SNX13: variants seen among roughly 807,000 people sequenced by gnomAD.
SNX13 encodes sorting nexin 13, also known as sorting nexin-13.
A neutral mutation model predicts 133.6 loss-of-function variants in SNX13; 45 were observed. The ratio of observed to expected loss-of-function variants is 0.34; its 90% CI spans 0.27 to 0.43. The LOEUF is 0.43. Among genes scored for constraint, SNX13 ranks in the 20% least tolerant of loss-of-function variants. SNX13 has a pLI of 1.00. For missense variants in SNX13, 1,032 were observed against 1,145.1 expected (o/e 0.90, Z 1.43); for synonymous variants, 414 against 373.9 (o/e 1.11, Z -1.24).
intron 1 of SNX13, among the ~76,000 whole-genome samples, chr7:17,920,296 C>A (rs1237379566): frequency 6.6e-6 from 1 of 152,106 alleles, no homozygotes; most frequent in African/African-American, 2.4e-5. Flanking sequence ...TTTCTTATTT[C>A]TAAAACAAAC....
At chr7:17,818,182 G>A (rs1484542393) in intron 18 of SNX13, among the ~76,000 whole-genome samples, 3 of 152,096 alleles carry the variant, frequency 2.0e-5, no homozygotes, top group East Asian at 3.9e-4. Flanking sequence ...CTTGATCTTT[G>A]ATTTCTAGTC....
chr7:17,862,568 TTA>T (rs1194156301), intron 9 of SNX13, among the ~76,000 whole-genome samples: 1 of 152,206 alleles, frequency 6.6e-6, no homozygotes, highest in Non-Finnish European at 1.5e-5. Context: ...TATGCTAATT[TTA>T]GTTATCTTTT....
intron 1 of SNX13, among the ~76,000 whole-genome samples, chr7:17,939,214 T>C (rs1802468554): frequency 6.6e-6 from 1 of 152,202 alleles, no homozygotes. Context: ...CTACAAATGT[T>C]TGTATTTCCT....
chr7:17,879,645 G>A (rs147814540), intron 5 of SNX13: 7 of 152,338 alleles, frequency 4.6e-5, no homozygotes, highest in African/African-American at 1.7e-4. Context: ...GCCCAAATAT[G>A]TGGTTGAGTT....
At chr7:17,910,588 G>C (rs1798857566) in intron 1 of SNX13, among the ~76,000 whole-genome samples, 1 of 152,076 alleles carries the variant, frequency 6.6e-6, no homozygotes, top group Non-Finnish European at 1.5e-5. Context: ...ATTAAAACCA[G>C]GTACTCAAAC....
chr7:17,861,524 T>C (rs991633166), intron 9 of SNX13, among the ~76,000 whole-genome samples: 1 of 152,106 alleles, frequency 6.6e-6, no homozygotes, highest in African/African-American at 2.4e-5. Flanking sequence ...ACACTTGAAA[T>C]TGGTAACTAG....
chr7:17,858,261 A>C (rs900924814), intron 9 of SNX13, among the ~76,000 whole-genome samples: 1 of 152,146 alleles, frequency 6.6e-6, no homozygotes, highest in Non-Finnish European at 1.5e-5. Context: ...CCACATGAAC[A>C]CCATTTAGAA....
At chr7:17,889,776 A>G (rs1796429340) in intron 5 of SNX13, 1 of 152,216 alleles carries the variant, frequency 6.6e-6, no homozygotes, top group African/African-American at 2.4e-5. Context: ...GAAGCAGTAT[A>G]TAGCTGGTTT....
At chr7:17,832,845 T>C (rs1788665382) in intron 15 of SNX13, among the ~76,000 whole-genome samples, 1 of 151,418 alleles carries the variant, frequency 6.6e-6, no homozygotes, top group Non-Finnish European at 1.5e-5. Context: ...ATTTCAAATG[T>C]AAACTTCAGT....
intron 1 of SNX13, among the ~76,000 whole-genome samples, chr7:17,921,455 C>T (rs1800120878): frequency 6.6e-6 from 1 of 152,108 alleles, no homozygotes; most frequent in Non-Finnish European, 1.5e-5. Context: ...CAAACACTTC[C>T]ATATCCCCGA....
chr7:17,857,741 C>T (rs1049969697), intron 9 of SNX13, among the ~76,000 whole-genome samples: 10 of 151,704 alleles, frequency 6.6e-5, no homozygotes, highest in Non-Finnish European at 1.2e-4. Flanking sequence ...GCTGAGACAG[C>T]GCCACTGAAC....
At chr7:17,824,287 A>G (rs1213433457) in intron 17 of SNX13, among the ~76,000 whole-genome samples, 2 of 152,124 alleles carry the variant, frequency 1.3e-5, no homozygotes, top group African/African-American at 4.8e-5. Context: ...AGCAATACAC[A>G]TACTAGACCA....
intron 13 of SNX13, 64 bp from the exon 14 acceptor site, chr7:17,834,929 TATG>T (rs1788965826): frequency 3.2e-6 from 3 of 951,616 alleles, no homozygotes; most frequent in Non-Finnish European, 3.2e-6. Flanking sequence ...TACTTGATAG[TATG>T]ATAATAATGG....
intron 9 of SNX13, among the ~76,000 whole-genome samples, chr7:17,860,191 G>GT (rs1169603241): frequency 3.3e-5 from 5 of 151,952 alleles, no homozygotes; most frequent in African/African-American, 1.2e-4. Flanking sequence ...CCAAATGGTT[G>GT]TAAGATAATT....
chr7:17,874,936 G>A lies in SNX13; in HGVS notation c.664+544C>T, dbSNP rs149122563. Among the ~76,000 whole-genome samples, 208 of 152,320 alleles carry A rather than the reference G, an allele frequency of 1.4e-3. 6 individuals are homozygous for A. The East Asian group carries it at 0.035, about 25-fold the overall frequency. On this transcript the variant is annotated intron_variant, in intron 7 of 25. Coordinates refer to ENST00000428135, the MANE Select transcript of SNX13 (RefSeq NM_015132.5). ...AAAAATAATAAATTCAAGAGGAAGA[G>A]AAATTACTACAGATAAAAAAATTCA...
intron 8 of SNX13, among the ~76,000 whole-genome samples, chr7:17,871,481 A>C (rs188449482): frequency 2.0e-5 from 3 of 152,194 alleles, no homozygotes; most frequent in Non-Finnish European, 2.9e-5. Flanking sequence ...TTGAGTTTCC[A>C]TGTCTGTTCA....
At chr7:17,920,944 T>C (rs1800060668) in intron 1 of SNX13, among the ~76,000 whole-genome samples, 2 of 152,186 alleles carry the variant, frequency 1.3e-5, no homozygotes. Flanking sequence ...CATCATTTGG[T>C]GCAGCAGCGT....
chr7:17,939,707 C>A (rs954977038), intron 1 of SNX13, among the ~76,000 whole-genome samples: 3 of 152,202 alleles, frequency 2.0e-5, no homozygotes, highest in Non-Finnish European at 1.5e-5. Context: ...CACGATTTAA[C>A]CGAAAAGGTG....
intron 1 of SNX13, among the ~76,000 whole-genome samples, chr7:17,909,251 G>A (rs1277594155): frequency 6.6e-6 from 1 of 152,190 alleles, no homozygotes; most frequent in Non-Finnish European, 1.5e-5. Flanking sequence ...TACACTGTTG[G>A]TGGGAGTGTA....
Sources: gnomAD v4.1 joint callset for allele counts (sites outside exome capture counted in the v4.1 genomes callset) on GRCh38, gnomAD v4.1.1 for gene constraint, MANE v1.5 for transcripts, NCBI Gene and HGNC (gene_info 2026-07-23, HGNC 2026-07-21) for gene names.